Variants in KLHDC10 observed in about 807,000 individuals in gnomAD.
The protein encoded by KLHDC10 is kelch domain-containing protein 10.
Under a neutral mutation model 56.1 loss-of-function variants are expected in KLHDC10, and 24 were observed. The ratio of observed to expected loss-of-function variants is 0.43; its 90% CI spans 0.31 to 0.60. The LOEUF is 0.60. Ranked by LOEUF, KLHDC10 falls within the 20% of genes least tolerant of loss-of-function variation. The pLI is 0.11. For synonymous variants in KLHDC10, 188 were observed against 207.1 expected, an observed-to-expected ratio of 0.91 and a Z score of 0.79; for missense variants, 349 against 567.0, an observed-to-expected ratio of 0.62 and a Z score of 3.91.
At chr7:130,109,070 A>G (rs1297174396) in intron 2 of KLHDC10, among the ~76,000 whole-genome samples, 1 of 151,840 alleles carries the variant, frequency 6.6e-6, no homozygotes, top group Non-Finnish European at 1.5e-5. Flanking sequence ...GTGCGCCACC[A>G]CACCCTGTAT....
At position 130,114,816 on chromosome 7, in the gene KLHDC10, T is replaced by G. The variant is rs144936707; in HGVS notation, c.254-1629T>G. Among the ~76,000 whole-genome samples the G allele has an allele frequency of 2.4e-3, 367 of 151,960 alleles. 2 individuals are homozygous for G. The highest frequency in any genetic ancestry group is 8.5e-3 in the African/African-American group (353 of 41,426). On this transcript the variant is annotated intron_variant, in intron 2 of 9. Coordinates refer to ENST00000335420, the MANE Select transcript of KLHDC10 (RefSeq NM_014997.4). Reference sequence around the variant, plus strand: ...CTTAGGTATTTCCACAAGTAGGGATTGATGGGTAGGTAGGTAGACTAGGCC... The same window carrying G: ...CTTAGGTATTTCCACAAGTAGGGATGGATGGGTAGGTAGGTAGACTAGGCC...
intron 2 of KLHDC10, among the ~76,000 whole-genome samples, chr7:130,109,212 C>CTT (rs113184697): frequency 1.4e-5 from 2 of 144,648 alleles, no homozygotes; most frequent in African/African-American, 2.5e-5. Context: ...CAGCAGGTCT[C>CTT]TTTTTTTTTT....
intron 2 of KLHDC10, among the ~76,000 whole-genome samples, chr7:130,097,679 G>T (rs1795868684): frequency 6.6e-6 from 1 of 152,124 alleles, no homozygotes; most frequent in Admixed American, 6.5e-5. Context: ...AATACCCAAT[G>T]TTGGCAAGGG....
intron 9 of KLHDC10, 140 bp downstream of exon 9, chr7:130,129,716 C>G: frequency 1.4e-6 from 1 of 714,138 alleles, no homozygotes; most frequent in Non-Finnish European, 2.2e-6. Flanking sequence ...CCTTCCAAAG[C>G]TAGGCCCTCC....
intron 2 of KLHDC10, among the ~76,000 whole-genome samples, chr7:130,107,480 A>G (rs1304467866): frequency 2.0e-5 from 3 of 152,202 alleles, no homozygotes; most frequent in Non-Finnish European, 4.4e-5. Flanking sequence ...TCTAGTTACA[A>G]TTGTATGGAA....
chr7:130,077,307 T>C (rs1341570784), intron 1 of KLHDC10, among the ~76,000 whole-genome samples: 2 of 126,490 alleles, frequency 1.6e-5, no homozygotes, highest in East Asian at 4.7e-4. Flanking sequence ...TGAGCCAAGA[T>C]TGTGCCACTG....
At chr7:130,097,100 T>A in intron 2 of KLHDC10, 93 bp downstream of exon 2, 1 of 797,930 alleles carries the variant, frequency 1.3e-6, no homozygotes, top group Non-Finnish European at 2.0e-6. Context: ...TTTTTAAAAA[T>A]CATCTAAACA....
chr7:130,078,464 A>G (rs1365182463), intron 1 of KLHDC10, among the ~76,000 whole-genome samples: 34 of 152,146 alleles, frequency 2.2e-4, no homozygotes, highest in Non-Finnish European at 2.9e-5. Context: ...GGCTCAAGTG[A>G]TCATTCTGTC....
chr7:130,097,426 G>A (rs1298329988), intron 2 of KLHDC10, among the ~76,000 whole-genome samples: 1 of 151,862 alleles, frequency 6.6e-6, no homozygotes, highest in Non-Finnish European at 1.5e-5. Flanking sequence ...TATATTAAAA[G>A]ATAAAAAAGA....
chr7:130,109,427 A>G (rs1796070295), intron 2 of KLHDC10, among the ~76,000 whole-genome samples: 1 of 151,678 alleles, frequency 6.6e-6, no homozygotes, highest in South Asian at 2.1e-4. Context: ...GGGTTTCACT[A>G]TTTTGCCATA....
At chr7:130,119,977 G>A (rs77127761) in intron 3 of KLHDC10, among the ~76,000 whole-genome samples, 1 of 152,148 alleles carries the variant, frequency 6.6e-6, no homozygotes, top group Non-Finnish European at 1.5e-5. Flanking sequence ...GTGGTGGCAG[G>A]AACAAAAGAG....
At position 130,130,430 on chromosome 7, in the gene KLHDC10, T is replaced by G. The variant is rs555708315; in HGVS notation, c.1120-107T>G. 7 of 842,848 alleles carry G rather than the reference T, an allele frequency of 8.3e-6. No individual in the cohort carries two copies. Among genetic ancestry groups the G allele is most frequent in the African/African-American group, 8.3e-5 (5 of 60,238 alleles). 52.2% of individuals were successfully genotyped at this position (842,848 alleles called of 1,614,324 possible). On this transcript the variant is annotated intron_variant, in intron 9 of 9. Coordinates refer to ENST00000335420, the MANE Select transcript of KLHDC10 (RefSeq NM_014997.4). This position sits in a 1 kb window ranked among gnomAD's most constrained non-coding sequence, Gnocchi z 4.2. ...TGGTATTGGGATCAGTGAGGAATTC[T>G]TGTTTCATTTCATTTTGATTCCATC...
chr7:130,125,791 T>A (rs1563106858), intron 6 of KLHDC10, 74 bp from the exon 7 acceptor site: 1 of 1,194,776 alleles, frequency 8.4e-7, no homozygotes, highest in Middle Eastern at 2.6e-4. Flanking sequence ...GTCTATTTTT[T>A]AAAAAATCCT....
Position 130,120,935 on chromosome 7 carries a change from G to T in KLHDC10, c.630+32G>T, listed in dbSNP as rs376396573. On this transcript the variant is annotated intron_variant, in intron 4 of 9. Coordinates refer to ENST00000335420, the MANE Select transcript of KLHDC10 (RefSeq NM_014997.4). This position sits in a 1 kb window ranked among gnomAD's most constrained non-coding sequence, Gnocchi z 5.1. ...ATCTGTGGCCAGTCATGGTGTATTT[G>T]TTCATATTTTTCTAGTCTGGGGATG... is the stretch of plus-strand genomic sequence containing the variant. 1.2e-6 allele frequency: 2 copies of T among 1,601,752 alleles called. No homozygotes were observed. The highest frequency in any genetic ancestry group is 1.7e-6 in the Non-Finnish European group (2 of 1,172,990).
At chr7:130,123,650 A>C (rs1796280087) in intron 5 of KLHDC10, among the ~76,000 whole-genome samples, 1 of 152,208 alleles carries the variant, frequency 6.6e-6, no homozygotes. Context: ...ATTTATCTTA[A>C]TTGTAGACTG....
At position 130,130,170 on chromosome 7, in the gene KLHDC10, A is replaced by G. The variant is rs928930033; in HGVS notation, c.1120-367A>G. Reference sequence around the variant, plus strand: ...ATCTCTACTAAAAATACAAAAAAAAATTAGCCGGACGTGGTGGCGCGTGCC... The same window carrying G: ...ATCTCTACTAAAAATACAAAAAAAAGTTAGCCGGACGTGGTGGCGCGTGCC... On this transcript the variant is annotated intron_variant, in intron 9 of 9. Transcript: ENST00000335420. This position sits in a 1 kb window ranked among gnomAD's most constrained non-coding sequence, Gnocchi z 4.2. Among the ~76,000 whole-genome samples, 1 of 151,922 alleles carries G rather than the reference A, an allele frequency of 6.6e-6. No individual in the cohort carries two copies. Among genetic ancestry groups the G allele is most frequent in the Non-Finnish European group, 1.5e-5 (1 of 67,984 alleles).
intron 1 of KLHDC10, among the ~76,000 whole-genome samples, chr7:130,071,531 C>CTA (rs1313558932): frequency 6.6e-6 from 1 of 152,172 alleles, no homozygotes; most frequent in African/African-American, 2.4e-5. Context: ...CTACAGTGCC[C>CTA]TAGCCTTGAG....
intron 1 of KLHDC10, among the ~76,000 whole-genome samples, chr7:130,094,190 C>T (rs1401524378): frequency 2.6e-5 from 4 of 151,944 alleles, no homozygotes; most frequent in African/African-American, 4.8e-5. Context: ...CCTCGTAAAG[C>T]GCTGGGATTA....
intron 1 of KLHDC10, among the ~76,000 whole-genome samples, chr7:130,084,669 C>T (rs370425117): frequency 9.9e-5 from 15 of 151,102 alleles, no homozygotes; most frequent in East Asian, 4.0e-4. Context: ...CCCAGCTACT[C>T]GGGAGGCTGA....
Sources: allele counts gnomAD v4.1 joint callset (sites outside exome capture counted in the v4.1 genomes callset), GRCh38; gene constraint gnomAD v4.1.1; non-coding constraint Gnocchi (gnomAD v3.1); transcripts MANE v1.5; gene names NCBI Gene and HGNC (gene_info 2026-07-23, HGNC 2026-07-21).